ANAPC1: variants seen among roughly 807,000 people sequenced by gnomAD.
ANAPC1 encodes the protein anaphase promoting complex subunit 1, also known as anaphase-promoting complex subunit 1.
Under a neutral mutation model 208.0 loss-of-function variants are expected in ANAPC1, and 36 were observed. That is an observed-to-expected ratio of 0.17 (90% CI 0.13 to 0.23). The LOEUF (loss-of-function observed/expected upper bound fraction) is 0.23. ANAPC1 is among the 10% of genes least tolerant of loss of function. ANAPC1 has a pLI of 1.00. For synonymous variants in ANAPC1, 378 were observed against 695.2 expected, an observed-to-expected ratio of 0.54 and a Z score of 7.18; for missense variants, 942 against 2,011.6, an observed-to-expected ratio of 0.47 and a Z score of 10.17.
intron 39 of ANAPC1, among the ~76,000 whole-genome samples, chr2:111,787,105 C>T (rs1297102286): frequency 1.1e-4 from 16 of 144,054 alleles, no homozygotes; most frequent in Admixed American, 7.7e-4. Flanking sequence ...CCCGAGATCA[C>T]GCCACTGCAC....
chr2:111,883,617 G>A (rs1394863248), intron 1 of ANAPC1, among the ~76,000 whole-genome samples: 1 of 152,178 alleles, frequency 6.6e-6, no homozygotes, highest in Non-Finnish European at 1.5e-5. Context: ...CTAGAGGACG[G>A]TGAAAACAGG....
At chr2:111,836,967 CA>C (rs35164122) in intron 18 of ANAPC1, among the ~76,000 whole-genome samples, 31 of 135,300 alleles carry the variant, frequency 2.3e-4, no homozygotes, top group South Asian at 2.4e-4. Context: ...GACTCCGTCT[CA>C]AAAAAAAAAA....
At chr2:111,877,692 G>A (rs1683092330) in intron 3 of ANAPC1, among the ~76,000 whole-genome samples, 1 of 152,112 alleles carries the variant, frequency 6.6e-6, no homozygotes, top group Non-Finnish European at 1.5e-5. Context: ...GGTGAGGCGG[G>A]AGAATGGCAT....
chr2:111,791,521 A>G (rs1436505591), intron 38 of ANAPC1, among the ~76,000 whole-genome samples: 1 of 152,158 alleles, frequency 6.6e-6, no homozygotes, highest in Non-Finnish European at 1.5e-5. Context: ...CATATCCATC[A>G]ATGGGGGAGA....
intron 10 of ANAPC1, among the ~76,000 whole-genome samples, chr2:111,858,767 G>GAAAAAA (rs59260533): frequency 8.1e-6 from 1 of 122,824 alleles, no homozygotes; most frequent in Non-Finnish European, 1.7e-5. Context: ...GTCTCAAAAA[G>GAAAAAA]AAAAAAAAAA....
intron 4 of ANAPC1, 85 bp from the exon 5 acceptor site, chr2:111,873,493 A>G (rs1195572937): frequency 1.3e-6 from 2 of 1,518,078 alleles, no homozygotes; most frequent in East Asian, 2.3e-5. Context: ...TTAATGCACA[A>G]TATAAAGATG....
chr2:111,813,437 G>A (rs1347644819), intron 28 of ANAPC1, among the ~76,000 whole-genome samples: 1 of 151,870 alleles, frequency 6.6e-6, no homozygotes, highest in Non-Finnish European at 1.5e-5. Flanking sequence ...CTCTGGTGGA[G>A]ACTGATATTA....
At chr2:111,881,516 C>T (rs1683296047) in intron 1 of ANAPC1, among the ~76,000 whole-genome samples, 1 of 152,102 alleles carries the variant, frequency 6.6e-6, no homozygotes, top group Non-Finnish European at 1.5e-5. Flanking sequence ...TTTAAGGGTA[C>T]TAGGTTTTAA....
Position 111,838,460 on chromosome 2 carries a change from G to T in ANAPC1, c.2093C>A (p.Pro698His). 1 of 1,607,522 alleles carries T rather than the reference G, an allele frequency of 6.2e-7. No homozygotes were observed. Among genetic ancestry groups the T allele is most frequent in the Non-Finnish European group, 8.5e-7 (1 of 1,178,206 alleles). ...TACATCATCAGATCCAGTCTCGGAA[G>T]GCCTTGCTTTTTTGGGCGCAATGAC... is the stretch of plus-strand genomic sequence containing the variant. ...SPVIAPKKAR[P>H]SETGSDDDWE... The change falls in exon 18 of 48, where the codon CCT becomes CAT. Residue 698 changes from proline to histidine, a missense_variant. Transcript: ENST00000341068.
intron 14 of ANAPC1, among the ~76,000 whole-genome samples, chr2:111,850,106 A>C (rs1287176472): frequency 6.6e-6 from 1 of 152,210 alleles, no homozygotes; most frequent in Non-Finnish European, 1.5e-5. Context: ...CCTAGCACAT[A>C]GAAAATGCTC....
chr2:111,789,015 A>G (rs1449043885), intron 38 of ANAPC1, among the ~76,000 whole-genome samples: 5 of 152,350 alleles, frequency 3.3e-5, no homozygotes, highest in South Asian at 2.1e-4. Context: ...GCGGGCGCCT[A>G]TAGTCCCAGC....
intron 10 of ANAPC1, among the ~76,000 whole-genome samples, chr2:111,859,909 TA>T (rs1681961769): frequency 6.6e-6 from 1 of 152,212 alleles, no homozygotes. Flanking sequence ...TACTTCACAT[TA>T]AAAGTCTTAA....
intron 3 of ANAPC1, among the ~76,000 whole-genome samples, chr2:111,875,761 G>C (rs530432690): frequency 6.6e-6 from 1 of 152,270 alleles, no homozygotes; most frequent in South Asian, 2.1e-4. Flanking sequence ...GCATCCACTT[G>C]CATCTCTCCA....
At chr2:111,802,209 C>A (rs903097590) in intron 33 of ANAPC1, among the ~76,000 whole-genome samples, 4 of 152,028 alleles carry the variant, frequency 2.6e-5, no homozygotes, top group Non-Finnish European at 5.9e-5. Context: ...AAATAAAAGG[C>A]TCTCTTGTAA....
intron 34 of ANAPC1, 113 bp from the exon 35 acceptor site, chr2:111,795,007 T>G: frequency 7.9e-7 from 1 of 1,267,928 alleles, no homozygotes; most frequent in Non-Finnish European, 1.1e-6. Flanking sequence ...AAAGTAAGCT[T>G]TACCAAACCA....
In ANAPC1 at chr2:111,865,005, A is replaced by G. The variant is rs1573495923; in HGVS notation, c.686-54T>C. 8 of 1,535,136 alleles carry G rather than the reference A, an allele frequency of 5.2e-6. No individual in the cohort carries two copies. In the African/African-American group the frequency reaches 8.4e-5, roughly 16 times the overall value. On this transcript the variant is annotated intron_variant, in intron 7 of 47. Transcript: ENST00000341068. ...TAGAACAATGGGCTTTACAAGACTG[A>G]TATTTATGAACAGAGCTCTTAAAAT...
In ANAPC1 at chr2:111,839,110, C is replaced by T. The variant is rs191700501; in HGVS notation, c.2041-598G>A. Among the ~76,000 whole-genome samples the T allele has an allele frequency of 3.1e-3, 475 of 152,278 alleles. 1 individual carries two copies. Among genetic ancestry groups the T allele is most frequent in the African/African-American group, 0.011 (446 of 41,556 alleles). Reference sequence around the variant, plus strand: ...CACTGTCATCACTTCCAGGACCAGTCCAGTCCTACCCCTGCTCCTCCAGGC... The same window carrying T: ...CACTGTCATCACTTCCAGGACCAGTTCAGTCCTACCCCTGCTCCTCCAGGC... On this transcript the variant is annotated intron_variant, in intron 17 of 47. Transcript: ENST00000341068.
intron 38 of ANAPC1, among the ~76,000 whole-genome samples, chr2:111,789,166 A>G (rs142589034): frequency 0.16 from 23,728 of 151,454 alleles, 613 homozygotes; most frequent in Admixed American, 0.18. Context: ...CAATGACTGT[A>G]TAAACAACTA....
At position 111,798,927 on chromosome 2, in the gene ANAPC1, G is replaced by A. The variant is rs991060263; in HGVS notation, c.4296+1870C>T. ...CGGGTGCCTGTAGTCCCAGCTACTC[G>A]GGAGGCTGAGGCAGGAGAATGGCGT... On this transcript the variant is annotated intron_variant, in intron 34 of 47. Transcript: ENST00000341068. Among the ~76,000 whole-genome samples the A allele has an allele frequency of 1.9e-3, 287 of 151,650 alleles. No individual in the cohort carries two copies. The East Asian group carries it at 0.05, about 26-fold the overall frequency.
Sources: gnomAD v4.1 joint callset for allele counts (sites outside exome capture counted in the v4.1 genomes callset) on GRCh38, gnomAD v4.1.1 for gene constraint, MANE v1.5 for transcripts, NCBI Gene and HGNC (gene_info 2026-07-23, HGNC 2026-07-21) for gene names.